The following ADGRB3 variants were observed in gnomAD, a reference collection of about 807,000 sequenced individuals.
The protein encoded by ADGRB3 is adhesion G protein-coupled receptor B3.
ADGRB3 carries 37 observed loss-of-function variants against 193.4 expected under a neutral mutation model. That is an observed-to-expected ratio of 0.19 (90% CI 0.15 to 0.25). The LOEUF is 0.25. Among genes scored for constraint, ADGRB3 ranks in the 10% least tolerant of loss-of-function variants. The pLI, the probability that ADGRB3 is intolerant of heterozygous loss-of-function variation, is 1.00. For missense variants in ADGRB3, 1,637 were observed against 1,852.9 expected, an observed-to-expected ratio of 0.88 and a Z score of 2.14; for synonymous variants, 690 against 644.2, an observed-to-expected ratio of 1.07 and a Z score of -1.08.
At position 69,145,967 on chromosome 6, in the gene ADGRB3, A is replaced by G. The variant is rs145368003; in HGVS notation, c.2480+69929A>G. The stretch of plus-strand genomic sequence containing the variant: ...TGCGCAGGAATGGGTGGACCTGGGA[A>G]AAGCACTATAAGTTCCCACTCCAGT... On this transcript the variant is annotated intron_variant, in intron 17 of 31. Coordinates refer to ENST00000370598, the MANE Select transcript of ADGRB3 (RefSeq NM_001704.3). 2.7e-3 allele frequency among the ~76,000 whole-genome samples: 407 copies of G among 152,250 alleles called. 1 individual carries two copies. Among genetic ancestry groups the G allele is most frequent in the African/African-American group, 9.6e-3 (400 of 41,560 alleles).
chr6:69,019,872 G>A (rs180812542), intron 13 of ADGRB3, among the ~76,000 whole-genome samples: 1 of 151,906 alleles, frequency 6.6e-6, no homozygotes, highest in Non-Finnish European at 1.5e-5. Flanking sequence ...AGAAATCAGA[G>A]AAATTCCCAA....
chr6:69,263,828 G>A (rs1298336007), intron 20 of ADGRB3, among the ~76,000 whole-genome samples: 2 of 151,956 alleles, frequency 1.3e-5, no homozygotes, highest in East Asian at 3.8e-4. Flanking sequence ...TACAAATGAA[G>A]AAACTGAGAC....
intron 20 of ADGRB3, among the ~76,000 whole-genome samples, chr6:69,273,210 G>A (rs9454723): frequency 0.27 from 40,994 of 151,984 alleles, 5,859 homozygotes; most frequent in African/African-American, 0.31. Context: ...CCTATTACCA[G>A]TCTAAATTCT....
At chr6:68,745,504 A>C (rs1199865301) in intron 3 of ADGRB3, among the ~76,000 whole-genome samples, 1 of 152,112 alleles carries the variant, frequency 6.6e-6, no homozygotes, top group African/African-American at 2.4e-5. Context: ...AAAGTTATGA[A>C]CATCTGTTTC....
intron 3 of ADGRB3, among the ~76,000 whole-genome samples, chr6:68,845,722 G>C (rs2127388937): frequency 6.6e-6 from 1 of 152,216 alleles, no homozygotes; most frequent in South Asian, 2.1e-4. Flanking sequence ...ATGATTGTAA[G>C]ACCTCCCCAG....
intron 15 of ADGRB3, among the ~76,000 whole-genome samples, chr6:69,059,850 A>G (rs976754185): frequency 1.3e-5 from 2 of 152,274 alleles, no homozygotes; most frequent in African/African-American, 4.8e-5. Flanking sequence ...TTTTAAATCA[A>G]CTTGTTAAAA....
chr6:69,147,427 G>A (rs1026512786), intron 17 of ADGRB3, among the ~76,000 whole-genome samples: 40 of 152,152 alleles, frequency 2.6e-4, no homozygotes, highest in Middle Eastern at 3.4e-3. Flanking sequence ...ACATATCATT[G>A]CATTTCCATG....
chr6:69,167,308 T>C (rs751003884), intron 17 of ADGRB3, among the ~76,000 whole-genome samples: 13 of 152,170 alleles, frequency 8.5e-5, no homozygotes, highest in Non-Finnish European at 1.6e-4. Flanking sequence ...TTATTCTGTA[T>C]TATATATGGT....
At chr6:69,382,342 A>C (rs1769967266) in intron 30 of ADGRB3, among the ~76,000 whole-genome samples, 1 of 151,930 alleles carries the variant, frequency 6.6e-6, no homozygotes, top group Non-Finnish European at 1.5e-5. Context: ...TAATGCTTTG[A>C]TTCAGCCTTA....
At chr6:69,109,139 C>T (rs1029429863) in intron 17 of ADGRB3, among the ~76,000 whole-genome samples, 1 of 151,958 alleles carries the variant, frequency 6.6e-6, no homozygotes, top group Non-Finnish European at 1.5e-5. Flanking sequence ...CTATAAGATT[C>T]TTGGATTATG....
chr6:69,123,625 A>C (rs1404914255), intron 17 of ADGRB3, among the ~76,000 whole-genome samples: 1 of 152,208 alleles, frequency 6.6e-6, no homozygotes, highest in Non-Finnish European at 1.5e-5. Context: ...TGGGGTGATA[A>C]GAATAAGGCA....
At chr6:68,817,633 G>A (rs140543595) in intron 3 of ADGRB3, among the ~76,000 whole-genome samples, 131 of 151,842 alleles carry the variant, frequency 8.6e-4, no homozygotes, top group African/African-American at 3.1e-3. Flanking sequence ...AAGCAGTCTT[G>A]TAATAATCTG....
At position 68,847,142 on chromosome 6, in the gene ADGRB3, C is replaced by G. The variant is rs369521226; in HGVS notation, c.758-83417C>G. Among the ~76,000 whole-genome samples the G allele has an allele frequency of 2.2e-3, 340 of 152,250 alleles. 1 individual carries two copies. The highest frequency in any genetic ancestry group is 7.9e-3 in the African/African-American group (329 of 41,540). On this transcript the variant is annotated intron_variant, in intron 3 of 31. Transcript: ENST00000370598. ...GTAACCCCTTTATTTTGGCCAATTTCTCCCATTTGGAATGGCTGTATTTAC... is the reference window on the plus strand; with the variant it reads ...GTAACCCCTTTATTTTGGCCAATTTGTCCCATTTGGAATGGCTGTATTTAC...
At position 68,869,711 on chromosome 6, in the gene ADGRB3, G is replaced by A. The variant is rs553449092; in HGVS notation, c.758-60848G>A. Among the ~76,000 whole-genome samples, 19 of 147,978 alleles carry A rather than the reference G, an allele frequency of 1.3e-4. 1 individual carries two copies. In the East Asian group the frequency reaches 3.8e-3, roughly 30 times the overall value. On this transcript the variant is annotated intron_variant, in intron 3 of 31. Transcript: ENST00000370598. ...GTGTTATTTTAAATTCCAGTTTTATGTGAGGCCTGCATACATACATAACTT... is the reference window on the plus strand; with the variant it reads ...GTGTTATTTTAAATTCCAGTTTTATATGAGGCCTGCATACATACATAACTT...
At chr6:69,346,583 C>T (rs566304008) in intron 26 of ADGRB3, among the ~76,000 whole-genome samples, 74 of 152,224 alleles carry the variant, frequency 4.9e-4, no homozygotes, top group African/African-American at 1.7e-3. Flanking sequence ...ATTTATGCAG[C>T]CAACAAACAT....
intron 3 of ADGRB3, among the ~76,000 whole-genome samples, chr6:68,786,063 A>T (rs1766962070): frequency 6.6e-6 from 1 of 151,606 alleles, no homozygotes; most frequent in African/African-American, 2.4e-5. Flanking sequence ...GCCCGTTGTC[A>T]GATGAGTAGG....
chr6:68,902,627 G>T (rs1766427709), intron 3 of ADGRB3, among the ~76,000 whole-genome samples: 1 of 151,840 alleles, frequency 6.6e-6, no homozygotes, highest in Non-Finnish European at 1.5e-5. Flanking sequence ...ATTGAAAAAG[G>T]CCATAAAAAA....
Position 68,638,772 on chromosome 6 carries a change from T to C in ADGRB3, c.97T>C (p.Leu33=), listed in dbSNP as rs770283539. Residue 33 remains leucine, a synonymous_variant, in exon 3 of 32, where the codon TTG becomes CTG. Coordinates refer to ENST00000370598, the MANE Select transcript of ADGRB3 (RefSeq NM_001704.3). ...TGCCCAAGACTTCTGGTGTTCAACTTTGGTGAAGGGAGTCATTTATGGATC... is the reference window on the plus strand; with the variant it reads ...TGCCCAAGACTTCTGGTGTTCAACTCTGGTGAAGGGAGTCATTTATGGATC... ...NAAQDFWCST[L]VKGVIYGSYS... 1.8e-5 allele frequency: 29 copies of C among 1,614,182 alleles called. No homozygotes were observed. Among genetic ancestry groups the C allele is most frequent in the Non-Finnish European group, 2.3e-5 (27 of 1,180,028 alleles).
chr6:69,107,182 A>G (rs531732970), intron 17 of ADGRB3, among the ~76,000 whole-genome samples: 3 of 150,744 alleles, frequency 2.0e-5, no homozygotes, highest in African/African-American at 7.2e-5. Context: ...ATTACATGGC[A>G]TGCGTAAGTG....
Sources: allele counts gnomAD v4.1 joint callset (sites outside exome capture counted in the v4.1 genomes callset), GRCh38; gene constraint gnomAD v4.1.1; transcripts MANE v1.5; gene names NCBI Gene and HGNC (gene_info 2026-07-23, HGNC 2026-07-21).